Variants in ACOXL observed in about 807,000 individuals in gnomAD.
The protein encoded by ACOXL is acyl-coenzyme A oxidase-like protein.
A neutral mutation model predicts 71.9 loss-of-function variants in ACOXL; 70 were observed. The observed-to-expected ratio is 0.97, with a 90% CI of 0.80 to 1.19. The LOEUF (loss-of-function observed/expected upper bound fraction) is 1.19. Among genes scored for constraint, ACOXL ranks in the 50% most tolerant of loss-of-function variants. The pLI, the probability that ACOXL is intolerant of heterozygous loss-of-function variation, is 0.00. For missense variants in ACOXL, 703 were observed against 736.3 expected (o/e 0.95, Z 0.52); for synonymous variants, 253 against 281.6 (o/e 0.90, Z 1.02).
At chr2:110,898,628 A>G (rs977203962) in intron 10 of ACOXL, among the ~76,000 whole-genome samples, 5 of 152,232 alleles carry the variant, frequency 3.3e-5, no homozygotes, top group Admixed American at 6.5e-5. Flanking sequence ...TGTACAGCCA[A>G]CATTACACGT....
At chr2:111,039,128 C>G (rs2065659497) in intron 15 of ACOXL, among the ~76,000 whole-genome samples, 1 of 152,090 alleles carries the variant, frequency 6.6e-6, no homozygotes, top group South Asian at 2.1e-4. Flanking sequence ...TTTTTAGAAA[C>G]CAAAAGTGTC....
chr2:110,875,635 C>T (rs1483764844), intron 10 of ACOXL, among the ~76,000 whole-genome samples: 1 of 152,124 alleles, frequency 6.6e-6, no homozygotes, highest in Non-Finnish European at 1.5e-5. Context: ...TCACCTCGAT[C>T]CTATCATTCC....
At chr2:110,767,981 A>AC (rs1553534962) in intron 1 of ACOXL, among the ~76,000 whole-genome samples, 6 of 136,170 alleles carry the variant, frequency 4.4e-5, no homozygotes, top group African/African-American at 1.4e-4. Flanking sequence ...CACACACACA[A>AC]ATTAGCTGGG....
chr2:110,996,501 GT>G (rs1001551728), intron 14 of ACOXL, among the ~76,000 whole-genome samples: 2 of 152,172 alleles, frequency 1.3e-5, no homozygotes, highest in African/African-American at 4.8e-5. Flanking sequence ...TACAGTGCCA[GT>G]GGGGTTAGTT....
At chr2:110,982,334 C>A (rs910156246) in intron 12 of ACOXL, among the ~76,000 whole-genome samples, 2 of 152,060 alleles carry the variant, frequency 1.3e-5, no homozygotes, top group Admixed American at 1.3e-4. Context: ...AGTCCTTCCG[C>A]TTCCCTTTGC....
In ACOXL at chr2:110,836,539, CTGAG is replaced by C. The variant is rs546141465; in HGVS notation, c.754-4829_754-4826del. Among the ~76,000 whole-genome samples the C allele has an allele frequency of 1.8e-4, 27 of 151,914 alleles. 1 individual carries two copies. In the South Asian group the frequency reaches 5.6e-3, roughly 32 times the overall value. On this transcript the variant is annotated intron_variant, in intron 9 of 17. Transcript: ENST00000439055. ...TATTATGTGGGTGCCGTGGCCCTGT[CTGAG>C]TGGTATTCTGTGGGTGCCATGGCCC...
At chr2:110,793,974 C>T (rs1254135957) in intron 4 of ACOXL, 102 bp from the exon 5 acceptor site, 1 of 1,221,860 alleles carries the variant, frequency 8.2e-7, no homozygotes, top group African/African-American at 1.5e-5. Flanking sequence ...TTCTCCAACC[C>T]ACCTGTCCCT....
chr2:110,975,524 T>G lies in ACOXL; in HGVS notation c.1060-11584T>G, dbSNP rs76735186. On this transcript the variant is annotated intron_variant, in intron 12 of 17. Coordinates refer to ENST00000439055, the MANE Select transcript of ACOXL (RefSeq NM_001142807.4). ...TTCATTTTCTAAAAATAAGAATCTT[T>G]TCTTATAAAATCATAATAACCATCA... is the stretch of plus-strand genomic sequence containing the variant. 4.2e-3 allele frequency among the ~76,000 whole-genome samples: 642 copies of G among 152,198 alleles called. 23 individuals are homozygous for G. The East Asian group carries it at 0.077, about 18-fold the overall frequency.
chr2:111,118,453 C>T lies in ACOXL; in HGVS notation c.*637C>T, dbSNP rs1379631882. 1.3e-5 allele frequency among the ~76,000 whole-genome samples: 2 copies of T among 152,178 alleles called. No individual in the cohort carries two copies. Among genetic ancestry groups the T allele is most frequent in the Non-Finnish European group, 2.9e-5 (2 of 68,034 alleles). On this transcript the variant is annotated 3_prime_UTR_variant, in exon 18 of 18. Coordinates refer to ENST00000439055, the MANE Select transcript of ACOXL (RefSeq NM_001142807.4). The stretch of plus-strand genomic sequence containing the variant: ...GGCCGGCGGTTTCCGTACGGCAAGA[C>T]AAGGCGCGGAAAACATTTTTACCAT...
chr2:110,880,228 A>G (rs1696477218), intron 10 of ACOXL, among the ~76,000 whole-genome samples: 1 of 152,086 alleles, frequency 6.6e-6, no homozygotes, highest in Non-Finnish European at 1.5e-5. Context: ...AGAAATGCAG[A>G]CATAGACATA....
At chr2:111,097,575 AG>A (rs1327333833) in intron 17 of ACOXL, among the ~76,000 whole-genome samples, 1 of 152,240 alleles carries the variant, frequency 6.6e-6, no homozygotes, top group Non-Finnish European at 1.5e-5. Context: ...TGAATGCACA[AG>A]ATGAGCCTGG....
intron 9 of ACOXL, among the ~76,000 whole-genome samples, chr2:110,812,127 C>T (rs971574988): frequency 6.6e-6 from 1 of 152,060 alleles, no homozygotes; most frequent in African/African-American, 2.4e-5. Flanking sequence ...GACTCAAGAC[C>T]AAGGTTGTAA....
At chr2:110,789,782 T>G (rs987348191) in intron 3 of ACOXL, among the ~76,000 whole-genome samples, 2 of 152,236 alleles carry the variant, frequency 1.3e-5, no homozygotes, top group Non-Finnish European at 2.9e-5. Flanking sequence ...CACTTCCAGT[T>G]TTCCATTTGT....
chr2:110,785,288 T>TA (rs956411296), intron 3 of ACOXL, among the ~76,000 whole-genome samples: 3 of 152,142 alleles, frequency 2.0e-5, no homozygotes, highest in African/African-American at 4.8e-5. Flanking sequence ...TAATGCAATG[T>TA]AAAATCAGGA....
chr2:110,771,207 C>T (rs886111063), intron 2 of ACOXL, among the ~76,000 whole-genome samples: 4 of 152,084 alleles, frequency 2.6e-5, no homozygotes, highest in African/African-American at 4.8e-5. Flanking sequence ...TCTCGCTGGG[C>T]GGATGTCATG....
chr2:110,889,382 G>A (rs1453667044), intron 10 of ACOXL, among the ~76,000 whole-genome samples: 1 of 152,142 alleles, frequency 6.6e-6, no homozygotes, highest in African/African-American at 2.4e-5. Flanking sequence ...TTTAAGGTAT[G>A]CCATATGATG....
chr2:110,921,357 T>G (rs931740727), intron 11 of ACOXL, among the ~76,000 whole-genome samples: 7 of 147,218 alleles, frequency 4.8e-5, no homozygotes, highest in Non-Finnish European at 9.0e-5. Context: ...TCTCTCTTGC[T>G]CTCTCTCTCT....
At position 110,841,361 on chromosome 2, in the gene ACOXL, T is replaced by C. The variant is rs1175481753; in HGVS notation, c.754-10T>C. ...TTACTTAATTTGTTTTTCTCTCTTT[T>C]TAATTACAGCTTGGGTTGACGATAG... On this transcript the variant is annotated splice_polypyrimidine_tract_variant and intron_variant, in intron 9 of 17. Coordinates refer to ENST00000439055, the MANE Select transcript of ACOXL (RefSeq NM_001142807.4). 1 of 1,604,836 alleles carries C rather than the reference T, an allele frequency of 6.2e-7. No homozygotes were observed. The highest frequency in any genetic ancestry group is 1.1e-5 in the South Asian group (1 of 90,184).
intron 7 of ACOXL, among the ~76,000 whole-genome samples, chr2:110,800,370 T>C (rs1197467006): frequency 6.6e-6 from 1 of 152,166 alleles, no homozygotes; most frequent in Non-Finnish European, 1.5e-5. Context: ...TGTCTCCAAA[T>C]TGCCCCATCT....
Sources: gnomAD v4.1 joint callset for allele counts (sites outside exome capture counted in the v4.1 genomes callset) on GRCh38, gnomAD v4.1.1 for gene constraint, MANE v1.5 for transcripts, NCBI Gene and HGNC (gene_info 2026-07-23, HGNC 2026-07-21) for gene names.